The following GOLM2 variants were observed in gnomAD, a reference collection of about 807,000 sequenced individuals.
GOLM2 encodes the protein golgi membrane protein 2.
Under a neutral mutation model 55.9 loss-of-function variants are expected in GOLM2, and 26 were observed. The observed-to-expected ratio is 0.47, with a 90% CI of 0.34 to 0.65. The LOEUF (loss-of-function observed/expected upper bound fraction) is 0.65, where lower values mean the gene tolerates loss of function less well. Ranked by LOEUF, GOLM2 falls within the 30% of genes least tolerant of loss-of-function variation. The pLI is 0.01. For missense variants in GOLM2, 486 were observed against 531.8 expected (o/e 0.91, Z 0.85); for synonymous variants, 165 against 194.6 (o/e 0.85, Z 1.27).
intron 1 of GOLM2, among the ~76,000 whole-genome samples, chr15:44,298,431 T>C (rs1400593491): frequency 8.7e-6 from 1 of 115,120 alleles, no homozygotes; most frequent in Non-Finnish European, 1.8e-5. Flanking sequence ...GGCCGGCTAA[T>C]TTTTTTTTTT....
intron 8 of GOLM2, among the ~76,000 whole-genome samples, chr15:44,382,859 T>A (rs866268882): frequency 1.3e-5 from 2 of 150,328 alleles, no homozygotes; most frequent in Non-Finnish European, 3.0e-5. Flanking sequence ...GGAGGCGAAG[T>A]TTGCAGTGAG....
rs115229235 is a variant in GOLM2, at chr15:44,312,118, A to G, written c.328-10847A>G. Among the ~76,000 whole-genome samples the G allele has an allele frequency of 3.6e-3, 543 of 152,264 alleles. 4 individuals carry two copies. Among genetic ancestry groups the G allele is most frequent in the African/African-American group, 0.012 (479 of 41,550 alleles). On this transcript the variant is annotated intron_variant, in intron 1 of 9. Transcript: ENST00000299957. ...TTACCTCTTCCTTTCTAGCAGCCCT[A>G]TGTATTCTTTACTTTCCTCCCTATC...
chr15:44,379,483 C>CA (rs879885605), intron 6 of GOLM2, among the ~76,000 whole-genome samples: 47 of 142,360 alleles, frequency 3.3e-4, no homozygotes, highest in Non-Finnish European at 2.8e-4. Context: ...GTCCCCCCAC[C>CA]AAAAAAAAAA....
intron 8 of GOLM2, among the ~76,000 whole-genome samples, chr15:44,395,167 C>T (rs953940833): frequency 6.6e-6 from 1 of 150,758 alleles, no homozygotes; most frequent in Non-Finnish European, 1.5e-5. Flanking sequence ...CCCGCCACCA[C>T]GCCCGGCTAA....
intron 9 of GOLM2, among the ~76,000 whole-genome samples, chr15:44,405,599 T>G (rs1035290120): frequency 6.6e-6 from 1 of 151,930 alleles, no homozygotes; most frequent in Non-Finnish European, 1.5e-5. Flanking sequence ...CTTCCTGTTG[T>G]AGAGTTGATT....
chr15:44,338,245 A>T lies in GOLM2; in HGVS notation c.730A>T (p.Lys244Ter), dbSNP rs1289563995. 1 of 1,613,406 alleles carries T rather than the reference A, an allele frequency of 6.2e-7. No homozygotes were observed. The highest frequency in any genetic ancestry group is 8.5e-7 in the Non-Finnish European group (1 of 1,179,642). ...NHIPHGKEQIKRGGDAGMPGI... is the reference protein window; with the variant it reads ...NHIPHGKEQI ...TTTTGTTACTTGGGCAGAACAAATC[A>T]AAAGAGGTGGTGATGCAGGGATGCC... Residue 244 changes from lysine (K) to a stop codon, truncating the protein, a stop_gained, in exon 6 of 10, where the codon AAA becomes TAA. Transcript: ENST00000299957. LOFTEE classifies it high-confidence loss of function.
At chr15:44,337,574 T>C (rs2079065408) in intron 4 of GOLM2, among the ~76,000 whole-genome samples, 189 bp from the exon 5 acceptor site, 1 of 152,302 alleles carries the variant, frequency 6.6e-6, no homozygotes, top group South Asian at 2.1e-4. Context: ...AAAAGTGTTA[T>C]TCTTTGACTT....
intron 6 of GOLM2, among the ~76,000 whole-genome samples, chr15:44,372,267 C>T (rs922795225): frequency 6.6e-6 from 1 of 152,198 alleles, no homozygotes; most frequent in Admixed American, 6.5e-5. Context: ...TATTAGAATG[C>T]AGCCAGAGTT....
In GOLM2 at chr15:44,375,595, T is replaced by C. The variant is rs551140066; in HGVS notation, c.803-4095T>C. On this transcript the variant is annotated intron_variant, in intron 6 of 9. Transcript: ENST00000299957. ...AGTTCCAAGACCAGTCTGGACAACATAGTGAGACCTCCTCTCTACAAAAAA... is the reference window on the plus strand; with the variant it reads ...AGTTCCAAGACCAGTCTGGACAACACAGTGAGACCTCCTCTCTACAAAAAA... Among the ~76,000 whole-genome samples, 88 of 151,736 alleles carry C rather than the reference T, an allele frequency of 5.8e-4. 2 individuals carry two copies. The highest frequency in any genetic ancestry group is 5.2e-4 in the Admixed American group (8 of 15,250).
chr15:44,297,439 A>G (rs1451500947), intron 1 of GOLM2, among the ~76,000 whole-genome samples: 1 of 151,930 alleles, frequency 6.6e-6, no homozygotes, highest in Non-Finnish European at 1.5e-5. Flanking sequence ...TGTTTTGCTT[A>G]CTTTTGCCTT....
chr15:44,370,589 A>G (rs1002368587), intron 6 of GOLM2, among the ~76,000 whole-genome samples: 6 of 152,086 alleles, frequency 3.9e-5, no homozygotes, highest in Non-Finnish European at 8.8e-5. Flanking sequence ...CTCTTAAACT[A>G]TGGCCTTGTA....
intron 4 of GOLM2, among the ~76,000 whole-genome samples, chr15:44,336,544 T>A (rs780557465): frequency 5.9e-5 from 9 of 152,340 alleles, no homozygotes; most frequent in Non-Finnish European, 8.8e-5. Flanking sequence ...TATTGTTGAT[T>A]TTACTTGCCA....
intron 6 of GOLM2, chr15:44,345,916 G>T (rs1162194821): frequency 1.3e-5 from 2 of 151,964 alleles, no homozygotes; most frequent in African/African-American, 2.4e-5. Flanking sequence ...GTGTGTGTGT[G>T]TGTGTGACAG....
At chr15:44,352,176 C>T (rs1441731660) in intron 6 of GOLM2, among the ~76,000 whole-genome samples, 1 of 152,170 alleles carries the variant, frequency 6.6e-6, no homozygotes, top group Non-Finnish European at 1.5e-5. Flanking sequence ...AATTATACTA[C>T]AGAGCCGTAG....
At chr15:44,410,346 G>A (rs1213461193) in intron 9 of GOLM2, among the ~76,000 whole-genome samples, 1 of 152,208 alleles carries the variant, frequency 6.6e-6, no homozygotes, top group Non-Finnish European at 1.5e-5. Context: ...CAGGAGAATG[G>A]CGCGAACCTG....
At chr15:44,293,553 A>G (rs1567018067) in intron 1 of GOLM2, among the ~76,000 whole-genome samples, 1 of 151,926 alleles carries the variant, frequency 6.6e-6, no homozygotes, top group African/African-American at 2.4e-5. Context: ...AGGATTACTG[A>G]TTAGGTGTTT....
rs1000042567 is a variant in GOLM2 at position 44,415,678 on chromosome 15, G to C, written c.*2272G>C. 6.6e-6 allele frequency: 1 copy of C among 152,424 alleles called. No individual in the cohort carries two copies. Among genetic ancestry groups the C allele is most frequent in the African/African-American group, 2.4e-5 (1 of 41,366 alleles). The allele number at this position is 152,424 out of a possible 1,614,324, so 9.4% of individuals were successfully genotyped here. ...GGTTTTTTAAATGTATTTTTGCCCT[G>C]AATTAAGTGTTAATTTGATGGAAAC... On this transcript the variant is annotated 3_prime_UTR_variant, in exon 10 of 10. Coordinates refer to ENST00000299957, the MANE Select transcript of GOLM2 (RefSeq NM_138423.4).
chr15:44,364,028 C>G (rs1188400200), intron 6 of GOLM2, among the ~76,000 whole-genome samples: 1 of 150,990 alleles, frequency 6.6e-6, no homozygotes, highest in Non-Finnish European at 1.5e-5. Context: ...GAACATCACA[C>G]TCTGGGGACT....
At chr15:44,361,857 G>T (rs908961046) in intron 6 of GOLM2, among the ~76,000 whole-genome samples, 2 of 152,088 alleles carry the variant, frequency 1.3e-5, no homozygotes, top group African/African-American at 2.4e-5. Context: ...GATCAAGTGG[G>T]CTTCATCCCT....
Sources: allele counts gnomAD v4.1 joint callset (sites outside exome capture counted in the v4.1 genomes callset), GRCh38; gene constraint gnomAD v4.1.1; transcripts MANE v1.5; gene names NCBI Gene and HGNC (gene_info 2026-07-23, HGNC 2026-07-21).